The following CYP4F11 variants were observed in gnomAD, a reference collection of about 807,000 sequenced individuals.
CYP4F11 encodes cytochrome P450 family 4 subfamily F member 11, also known as cytochrome P450 4F11.
In CYP4F11, 79 loss-of-function variants were observed where a neutral mutation model predicts 62.2. That is an observed-to-expected ratio of 1.27 (90% CI 1.06 to 1.53). CYP4F11 has a LOEUF of 1.53. Ranked by LOEUF, CYP4F11 falls within the 40% of genes most tolerant of loss-of-function variation. The pLI is 0.00. For synonymous variants in CYP4F11, 290 were observed against 263.7 expected (o/e 1.10, Z -0.97); for missense variants, 777 against 680.5 (o/e 1.14, Z -1.58).
intron 6 of CYP4F11, among the ~76,000 whole-genome samples, chr19:15,923,238 C>CCT (rs3056063): frequency 0.22 from 24,601 of 110,208 alleles, 2,530 homozygotes; most frequent in South Asian, 0.25. Flanking sequence ...AAGCAAACAT[C>CCT]CTCTCTCTCT....
rs1555776572 is a variant in CYP4F11 at position 15,912,733 on chromosome 19, G to GTGTGTGTGTGTGTGTA, written c.*998_*999insTACACACACACACACA. ...TGTGTGTGTGTGTGTGTGTGTGTGT[G>GTGTGTGTGTGTGTGTA]TATATGTATATATGTGTGTGTGTGT... is the stretch of plus-strand genomic sequence containing the variant. On this transcript the variant is annotated 3_prime_UTR_variant, in exon 12 of 12. Coordinates refer to ENST00000402119, the MANE Select transcript of CYP4F11 (RefSeq NM_021187.4). 1 of 52,214 alleles carries GTGTGTGTGTGTGTGTA rather than the reference G, an allele frequency of 1.9e-5. No individual in the cohort carries two copies. Among genetic ancestry groups the GTGTGTGTGTGTGTGTA allele is most frequent in the African/African-American group, 8.6e-5 (1 of 11,594 alleles). The allele number at this position is 52,214 out of a possible 1,614,324, so 3.2% of individuals were successfully genotyped here. A position where few individuals can be genotyped will look rare whatever the true frequency, so the allele number is the denominator to read the frequency against.
At position 15,927,590 on chromosome 19, in the gene CYP4F11, C is replaced by T. The variant is rs560009214; in HGVS notation, c.344-107G>A. Reference sequence around the variant, plus strand: ...GGTGTGCACTTCCACGCATCCCACCCAGCATAGCAGGAAGAAGGCCAAGGG... The same window carrying T: ...GGTGTGCACTTCCACGCATCCCACCTAGCATAGCAGGAAGAAGGCCAAGGG... On this transcript the variant is annotated intron_variant, in intron 2 of 11. Coordinates refer to ENST00000402119, the MANE Select transcript of CYP4F11 (RefSeq NM_021187.4). 8.9e-6 allele frequency: 13 copies of T among 1,458,714 alleles called. No homozygotes were observed. In the South Asian group the frequency reaches 1.5e-4, roughly 17 times the overall value. The allele number at this position is 1,458,714 out of a possible 1,614,324, so 90.4% of individuals were successfully genotyped here. A position where few individuals can be genotyped will look rare whatever the true frequency, so the allele number is the denominator to read the frequency against.
intron 11 of CYP4F11, 45 bp downstream of exon 11, chr19:15,914,260 T>C (rs1159477576): frequency 1.3e-6 from 2 of 1,598,320 alleles, no homozygotes; most frequent in African/African-American, 2.7e-5. Context: ...TTTGGACCCC[T>C]GCACCCATCA....
intron 8 of CYP4F11, among the ~76,000 whole-genome samples, chr19:15,921,332 G>C (rs1420364922): frequency 1.3e-5 from 2 of 152,162 alleles, no homozygotes; most frequent in East Asian, 3.8e-4. Flanking sequence ...TCAGCCTCCT[G>C]AGTGGCTGGG....
intron 8 of CYP4F11, 80 bp downstream of exon 8, chr19:15,921,956 CA>C (rs950772541): frequency 1.3e-5 from 19 of 1,457,982 alleles, no homozygotes; most frequent in South Asian, 6.5e-5. Context: ...AAGAATTGAC[CA>C]AAAAAACTCC....
chr19:15,918,898 G>A (rs1178270775), intron 8 of CYP4F11, among the ~76,000 whole-genome samples: 1 of 148,718 alleles, frequency 6.7e-6, no homozygotes, highest in Non-Finnish European at 1.5e-5. Context: ...CAACAAAGGT[G>A]TGAAACAAAT....
At position 15,934,254 on chromosome 19, in the gene CYP4F11, G is replaced by A; in HGVS notation, c.155C>T (p.Pro52Leu). 2 of 1,613,818 alleles carry A rather than the reference G, an allele frequency of 1.2e-6. No homozygotes were observed. The highest frequency in any genetic ancestry group is 1.1e-5 in the South Asian group (1 of 91,076). Residue 52 changes from proline (P) to leucine (L), a missense_variant, in exon 1 of 12, where the codon CCT becomes CTT. Pro to Leu is a moderately conservative substitution (Grantham distance 98). Transcript: ENST00000402119. ...AAACCAGTTCTGTTTCGGGGGTTGA[G>A]GAAAACACTGGAGGCGGCGGCAGTT... ...YDNCRRLQCFPQPPKQNWFWG... is the reference protein window; with the variant it reads ...YDNCRRLQCFLQPPKQNWFWG...
Position 15,912,805 on chromosome 19 carries a change from T to TATATATATATAC in CYP4F11, c.*926_*927insGTATATATATAT, listed in dbSNP as rs1183276800. 5 of 101,228 alleles carry TATATATATATAC rather than the reference T, an allele frequency of 4.9e-5. No individual in the cohort carries two copies. The highest frequency in any genetic ancestry group is 4.1e-4 in the South Asian group (1 of 2,414). 6.3% of individuals were successfully genotyped at this position (101,228 alleles called of 1,614,324 possible). A position where few individuals can be genotyped will look rare whatever the true frequency, so the allele number is the denominator to read the frequency against. ...TATATATATAATATATATATATATA[T>TATATATATATAC]ACATATCTTATATGCACAGCCCTCT... On this transcript the variant is annotated 3_prime_UTR_variant, in exon 12 of 12. Coordinates refer to ENST00000402119, the MANE Select transcript of CYP4F11 (RefSeq NM_021187.4).
At chr19:15,928,663 A>C (rs7257946) in intron 2 of CYP4F11, among the ~76,000 whole-genome samples, 83,394 of 151,944 alleles carry the variant, frequency 0.55, 23,339 homozygotes, top group Non-Finnish European at 0.6. Flanking sequence ...GTCACTCAGC[A>C]TCCTGAGGTT....
rs369019182 is a variant in CYP4F11, at chr19:15,914,319, G to T, written c.1383C>A (p.Phe461Leu). The T allele has an allele frequency of 1.3e-5, 21 of 1,613,972 alleles. No homozygotes were observed. In the African/African-American group the frequency reaches 1.9e-4, roughly 14 times the overall value. The change falls in exon 11 of 12, where the codon TTC (phenylalanine) becomes TTA (leucine). Residue 461 changes from phenylalanine to leucine, a missense_variant. Transcript: ENST00000402119. ...GCCATCCTTACCTGGGCCCTGCCGA[G>T]AAGGGAATAAAAGCCAGAGGTGACC... is the stretch of plus-strand genomic sequence containing the variant. Reference protein sequence around the residue: ...KERSPLAFIPFSAGPRNCIGQ... With the variant: ...KERSPLAFIPLSAGPRNCIGQ...
At chr19:15,919,765 G>T (rs907091316) in intron 8 of CYP4F11, among the ~76,000 whole-genome samples, 3 of 152,116 alleles carry the variant, frequency 2.0e-5, no homozygotes, top group African/African-American at 7.2e-5. Flanking sequence ...GAATCCTGTC[G>T]TTGGTGACAA....
intron 1 of CYP4F11, 28 bp downstream of exon 1, chr19:15,934,183 C>T: frequency 1.2e-6 from 2 of 1,612,144 alleles, no homozygotes; most frequent in South Asian, 1.1e-5. Context: ...ATCCTGAGAC[C>T]CCAGACCCGT....
chr19:15,922,518 C>T (rs1157105155), intron 6 of CYP4F11, 88 bp from the exon 7 acceptor site: 1 of 1,411,132 alleles, frequency 7.1e-7, no homozygotes, highest in African/African-American at 1.4e-5. Flanking sequence ...TTCTGAAGAT[C>T]CATCCTCCTT....
At position 15,914,660 on chromosome 19, in the gene CYP4F11, A is replaced by C; in HGVS notation, c.1256T>G (p.Val419Gly). The C allele has an allele frequency of 6.2e-7, 1 of 1,614,212 alleles. No homozygotes were observed. The highest frequency in any genetic ancestry group is 8.5e-7 in the Non-Finnish European group (1 of 1,180,032). ...PDGRVIPKGI[V>G]CLINIIGIHY... The stretch of plus-strand genomic sequence containing the variant: ...GATCCCGATAATATTGATGAGGCAG[A>C]CAATGCCTGTGGGAGAGAAGAGGGC... Residue 419 changes from valine to glycine, a missense_variant, in exon 10 of 12, where the codon GTC (valine) becomes GGC (glycine). Coordinates refer to ENST00000402119, the MANE Select transcript of CYP4F11 (RefSeq NM_021187.4).
In CYP4F11 at chr19:15,934,297, T is replaced by G. The variant is rs370901358; in HGVS notation, c.112A>C (p.Thr38Pro). ...CGGCAGTTGTCATAGAAGGTGTAGG[T>G]CCAGGCCAGGACGCGGGCCAGGAGC... Reference protein sequence around the residue: ...SWLLARVLAWTYTFYDNCRRL... With the variant: ...SWLLARVLAWPYTFYDNCRRL... The change falls in exon 1 of 12, where the codon ACC becomes CCC. Residue 38 changes from threonine to proline, a missense_variant. Transcript: ENST00000402119. 6.2e-7 allele frequency: 1 copy of G among 1,613,498 alleles called. No individual in the cohort carries two copies. Among genetic ancestry groups the G allele is most frequent in the South Asian group, 1.1e-5 (1 of 91,058 alleles).
intron 1 of CYP4F11, among the ~76,000 whole-genome samples, chr19:15,930,630 C>T (rs775260186): frequency 2.6e-5 from 4 of 152,042 alleles, no homozygotes; most frequent in African/African-American, 4.8e-5. Flanking sequence ...AGAGTAAATA[C>T]CAAAGCAGAG....
At chr19:15,934,619 AAG>A (rs1218463559), upstream of CYP4F11, 204 of 556,418 alleles carry the variant, frequency 3.7e-4, no homozygotes, top group East Asian at 4.8e-4. Context: ...CAGAAAGGGA[AAG>A]AGAGAGAGAG....
In CYP4F11 at chr19:15,913,509, T is replaced by C; in HGVS notation, c.*223A>G. 2 of 582,270 alleles carry C rather than the reference T, an allele frequency of 3.4e-6. No homozygotes were observed. The highest frequency in any genetic ancestry group is 6.0e-6 in the Non-Finnish European group (2 of 330,932). 36.1% of individuals were successfully genotyped at this position (582,270 alleles called of 1,614,324 possible). On this transcript the variant is annotated 3_prime_UTR_variant, in exon 12 of 12. Transcript: ENST00000402119. ...CACAGGATAAAGTTTTTACTTGGGC[T>C]CTGGGAGAACCCACTAAGGGCCTAG... is the stretch of plus-strand genomic sequence containing the variant.
chr19:15,921,265 T>C (rs1599374123), intron 8 of CYP4F11, among the ~76,000 whole-genome samples: 1 of 152,314 alleles, frequency 6.6e-6, no homozygotes, highest in East Asian at 1.9e-4. Context: ...AGAGAAAAAT[T>C]CTCACTATGT....
Sources: gnomAD v4.1 joint callset for allele counts (sites outside exome capture counted in the v4.1 genomes callset) on GRCh38, gnomAD v4.1.1 for gene constraint, MANE v1.5 for transcripts, NCBI Gene and HGNC (gene_info 2026-07-23, HGNC 2026-07-21) for gene names.